Variants in SLC25A30 observed in about 807,000 individuals in gnomAD.
SLC25A30 encodes solute carrier family 25 member 30.
In SLC25A30, 29 loss-of-function variants were observed where a neutral mutation model predicts 42.7. The observed-to-expected ratio is 0.68, with a 90% CI of 0.51 to 0.93. The LOEUF is 0.93. Ranked by LOEUF, SLC25A30 falls within the 40% of genes least tolerant of loss-of-function variation. SLC25A30 has a pLI of 0.00. For synonymous variants in SLC25A30, 124 were observed against 131.0 expected, an observed-to-expected ratio of 0.95 and a Z score of 0.37; for missense variants, 300 against 359.7, an observed-to-expected ratio of 0.83 and a Z score of 1.34.
chr13:45,401,004 CA>C lies in SLC25A30; in HGVS notation c.614+78del. ...GCTTCACTTCTGCATTGCAACTTTT[CA>C]AATATAAGAATATAATACTTTTATA... is the stretch of plus-strand genomic sequence containing the variant. On this transcript the variant is annotated intron_variant, in intron 7 of 9. Coordinates refer to ENST00000519676, the MANE Select transcript of SLC25A30 (RefSeq NM_001010875.4). 3.0e-6 allele frequency: 4 copies of C among 1,311,652 alleles called. No homozygotes were observed. In the South Asian group the frequency reaches 6.4e-5, roughly 21 times the overall value. 81.3% of individuals were successfully genotyped at this position (1,311,652 alleles called of 1,614,324 possible). A position where few individuals can be genotyped will look rare whatever the true frequency, so the allele number is the denominator to read the frequency against.
At chr13:45,400,945 C>G (rs980103762) in intron 7 of SLC25A30, 138 bp downstream of exon 7, 1 of 646,714 alleles carries the variant, frequency 1.5e-6, no homozygotes, top group Non-Finnish European at 2.5e-6. Flanking sequence ...CAACAGCTGC[C>G]TATGTAGAGG....
At chr13:45,420,638 G>A (rs1883869352), upstream of SLC25A30, among the ~76,000 whole-genome samples, 1 of 152,136 alleles carries the variant, frequency 6.6e-6, no homozygotes, top group Non-Finnish European at 1.5e-5. Context: ...ATAATACTTA[G>A]AAATACACAG....
the SLC25A30 span, among the ~76,000 whole-genome samples, chr13:45,433,085 AT>A: frequency 4.7e-5 from 7 of 150,460 alleles, no homozygotes; most frequent in Non-Finnish European, 8.9e-5. Flanking sequence ...TGCCTGTATT[AT>A]TTTTTTTAGC....
intron 6 of SLC25A30, 126 bp downstream of exon 6, chr13:45,402,149 G>T (rs1234842793): frequency 1.7e-6 from 1 of 597,056 alleles, no homozygotes; most frequent in East Asian, 2.9e-5. Context: ...TTCATGGGCA[G>T]AAGATGCCAC....
chr13:45,424,912 A>T, the SLC25A30 span, among the ~76,000 whole-genome samples: 2 of 59,824 alleles, frequency 3.3e-5, no homozygotes, highest in South Asian at 5.0e-4. Context: ...ATAAATATAT[A>T]TAAATATATA....
upstream of SLC25A30, among the ~76,000 whole-genome samples, chr13:45,421,153 T>C (rs1460945461): frequency 6.6e-6 from 1 of 151,816 alleles, no homozygotes; most frequent in African/African-American, 2.4e-5. Flanking sequence ...CCGAAGCAGG[T>C]GGATCACCTG....
the SLC25A30 span, among the ~76,000 whole-genome samples, chr13:45,423,918 T>C: frequency 3.0e-3 from 255 of 84,440 alleles, 4 homozygotes; most frequent in African/African-American, 0.012. Context: ...TATATAAAAA[T>C]ATATATAAAC....
intron 6 of SLC25A30, 94 bp downstream of exon 6, chr13:45,402,181 C>A: frequency 4.3e-6 from 4 of 927,994 alleles, no homozygotes; most frequent in Non-Finnish European, 6.8e-6. Flanking sequence ...TACTCCATTA[C>A]GACACTTGGA....
Position 45,395,521 on chromosome 13 carries a change from A to G in SLC25A30, c.*453T>C. ...CATACATGAAATTTCTTCAGTTGAC[A>G]AGGAGCAAAATCTCCCAGAAATTCA... is the stretch of plus-strand genomic sequence containing the variant. On this transcript the variant is annotated 3_prime_UTR_variant, in exon 10 of 10. Coordinates refer to ENST00000519676, the MANE Select transcript of SLC25A30 (RefSeq NM_001010875.4). 1 of 1,050,786 alleles carries G rather than the reference A, an allele frequency of 9.5e-7. No homozygotes were observed. The highest frequency in any genetic ancestry group is 1.7e-5 in the African/African-American group (1 of 59,966). The allele number at this position is 1,050,786 out of a possible 1,614,324, so 65.1% of individuals were successfully genotyped here.
chr13:45,404,463 T>C, intron 4 of SLC25A30, 51 bp from the exon 5 acceptor site: 1 of 1,320,392 alleles, frequency 7.6e-7, no homozygotes, highest in South Asian at 1.2e-5. Context: ...GTTCTTCCCG[T>C]GAGAAACTCA....
At chr13:45,402,430 A>C (rs1013298895) in intron 5 of SLC25A30, 60 bp from the exon 6 acceptor site, 15 of 1,315,348 alleles carry the variant, frequency 1.1e-5, no homozygotes, top group African/African-American at 2.9e-5. Context: ...ACCCACAACC[A>C]ATGTATACCT....
chr13:45,406,223 C>T (rs532741033), intron 3 of SLC25A30, among the ~76,000 whole-genome samples: 23 of 152,178 alleles, frequency 1.5e-4, no homozygotes, highest in African/African-American at 4.1e-4. Flanking sequence ...GCTGGGAATA[C>T]GGGCACCCGC....
intron 9 of SLC25A30, 83 bp from the exon 10 acceptor site, chr13:45,396,098 TTAA>T: frequency 6.2e-7 from 1 of 1,613,474 alleles, no homozygotes; most frequent in Non-Finnish European, 8.5e-7. Flanking sequence ...AATGGCACAC[TTAA>T]TAACAAATAG....
At chr13:45,424,152 T>TATATATAAACATATAA in the SLC25A30 span, among the ~76,000 whole-genome samples, 28,218 of 86,980 alleles carry the variant, frequency 0.32, 5,749 homozygotes, top group Non-Finnish European at 0.4. Flanking sequence ...AATATAAGTA[T>TATATATAAACATATAA]ATATATAGAA....
the SLC25A30 span, among the ~76,000 whole-genome samples, chr13:45,423,520 A>G: frequency 0.036 from 4,045 of 111,536 alleles, 508 homozygotes; most frequent in Middle Eastern, 0.089. Context: ...TTATATATAT[A>G]TACAAATATA....
At chr13:45,427,529 C>A in the SLC25A30 span, among the ~76,000 whole-genome samples, 3 of 152,116 alleles carry the variant, frequency 2.0e-5, no homozygotes, top group African/African-American at 7.2e-5. Flanking sequence ...CTTCCTAAAT[C>A]ATCCACGTTT....
upstream of SLC25A30, among the ~76,000 whole-genome samples, chr13:45,418,941 A>C (rs1263233619): frequency 1.2e-4 from 3 of 24,800 alleles, no homozygotes; most frequent in African/African-American, 2.9e-4. Context: ...ACTTCGTCTC[A>C]AAAAAAAAAA....
At chr13:45,410,342 C>A (rs989377538) in intron 2 of SLC25A30, among the ~76,000 whole-genome samples, 1 of 152,128 alleles carries the variant, frequency 6.6e-6, no homozygotes. Context: ...GGGGAAAGGA[C>A]AAGGAAAACG....
intron 8 of SLC25A30, 70 bp from the exon 9 acceptor site, chr13:45,397,408 C>G (rs1881454912): frequency 8.7e-7 from 1 of 1,153,694 alleles, no homozygotes; most frequent in Non-Finnish European, 1.3e-6. Context: ...TAATTAGTGG[C>G]CAGGCCAGGC....
Sources: gnomAD v4.1 joint callset for allele counts (sites outside exome capture counted in the v4.1 genomes callset) on GRCh38, gnomAD v4.1.1 for gene constraint, MANE v1.5 for transcripts, NCBI Gene and HGNC (gene_info 2026-07-23, HGNC 2026-07-21) for gene names.